Variants in KLHDC4 observed in about 807,000 individuals in gnomAD.
KLHDC4 encodes kelch domain containing 4.
KLHDC4 carries 90 observed loss-of-function variants against 62.4 expected under a neutral mutation model. The ratio of observed to expected loss-of-function variants is 1.44; its 90% confidence interval spans 1.22 to 1.72. The LOEUF (loss-of-function observed/expected upper bound fraction) is 1.72, where lower values mean the gene tolerates loss of function less well. Ranked by LOEUF, KLHDC4 falls within the 40% of genes most tolerant of loss-of-function variation. The pLI, the probability that KLHDC4 is intolerant of heterozygous loss-of-function variation, is 0.00. For missense variants in KLHDC4, 1,025 were observed against 699.7 expected (o/e 1.47, Z -5.25); for synonymous variants, 386 against 284.4 (o/e 1.36, Z -3.59).
chr16:87,704,350 T>C (rs1341975816), downstream of KLHDC4, among the ~76,000 whole-genome samples: 152 of 87,582 alleles, frequency 1.7e-3, no homozygotes, highest in Non-Finnish European at 1.5e-3. Context: ...GGGTCTTGAA[T>C]GTCACAGGGA....
chr16:87,702,170 C>T (rs549199294), exon 1 of KLHDC4: 27 of 456,312 alleles, frequency 5.9e-5, no homozygotes, highest in Middle Eastern at 3.3e-4. Flanking sequence ...ATGGGTTCAA[C>T]GTTGACCACC....
chr16:87,755,430 T>G, intron 3 of KLHDC4, 138 bp from the exon 4 acceptor site: 1 of 532,992 alleles, frequency 1.9e-6, no homozygotes, highest in Non-Finnish European at 3.4e-6. Flanking sequence ...AGGGAGGCCA[T>G]GGGCTGGGTC....
At chr16:87,700,556 GA>G in exon 1 of KLHDC4, 1 of 173,328 alleles carries the variant, frequency 5.8e-6, no homozygotes. Context: ...GAAGAGGGCA[GA>G]GGGAAGAGGG....
intron 1 of KLHDC4, chr16:87,765,457 T>C: frequency 2.0e-6 from 1 of 499,124 alleles, no homozygotes; most frequent in South Asian, 1.6e-5. Flanking sequence ...CCCTCCCTCT[T>C]CTCACCACCC....
In KLHDC4 at chr16:87,713,170, T is replaced by C. The variant is rs116262217; in HGVS notation, c.835+1328A>G. 5.7e-3 allele frequency among the ~76,000 whole-genome samples: 873 copies of C among 152,284 alleles called. 9 individuals carry two copies. The highest frequency in any genetic ancestry group is 0.02 in the African/African-American group (841 of 41,562). ...CCTCAGCGTCCCCAGTAGCTAGAACTACAGACGTGCGCCAGCACACCTGGC... is the reference window on the plus strand; with the variant it reads ...CCTCAGCGTCCCCAGTAGCTAGAACCACAGACGTGCGCCAGCACACCTGGC... On this transcript the variant is annotated intron_variant, in intron 8 of 11. Transcript: ENST00000270583.
chr16:87,759,523 G>C (rs987638354), intron 2 of KLHDC4, among the ~76,000 whole-genome samples: 2 of 152,146 alleles, frequency 1.3e-5, no homozygotes, highest in African/African-American at 2.4e-5. Flanking sequence ...GAGGTGGGTG[G>C]ATCACCTAAG....
At chr16:87,748,584 T>C in intron 5 of KLHDC4, 89 bp downstream of exon 5, 1 of 1,513,148 alleles carries the variant, frequency 6.6e-7, no homozygotes, top group Admixed American at 1.9e-5. Flanking sequence ...TGAACCCTGG[T>C]ATTCTGAGGT....
rs373425883 is a variant in KLHDC4 at position 87,765,941 on chromosome 16, G to C, written c.-51C>G. 4.9e-5 allele frequency: 75 copies of C among 1,516,998 alleles called. 1 individual carries two copies. The Middle Eastern group carries it at 6.7e-4, about 14-fold the overall frequency. 94.0% of individuals were successfully genotyped at this position (1,516,998 alleles called of 1,614,324 possible). On this transcript the variant is annotated 5_prime_UTR_variant, in exon 1 of 12. Coordinates refer to ENST00000270583, the MANE Select transcript of KLHDC4 (RefSeq NM_017566.4). ...GACACCAGGAAAGAAAACGGCCCGC[G>C]CTCTCCGCTCGGAAACAGGTGCTCG...
At position 87,709,619 on chromosome 16, in the gene KLHDC4, G is replaced by T; in HGVS notation, c.1093C>A (p.Pro365Thr). ...KKRRRGRKEE[P>T]EGGSRPACGG... ...CACGCCGGCCTGCTACCACCTTCGG[G>T]CTCCTCTTTTCTGCCCCGCCTGCGT... is the stretch of plus-strand genomic sequence containing the variant. The change falls in exon 10 of 12, where the codon CCC becomes ACC. Residue 365 changes from proline to threonine, a missense_variant. By Grantham distance (38) the Pro-to-Thr change is conservative. Coordinates refer to ENST00000270583, the MANE Select transcript of KLHDC4 (RefSeq NM_017566.4). 6.2e-7 allele frequency: 1 copy of T among 1,609,506 alleles called. No homozygotes were observed. Among genetic ancestry groups the T allele is most frequent in the Non-Finnish European group, 8.5e-7 (1 of 1,178,060 alleles).
At chr16:87,740,405 C>G (rs551736007) in intron 5 of KLHDC4, among the ~76,000 whole-genome samples, 4 of 152,272 alleles carry the variant, frequency 2.6e-5, no homozygotes, top group African/African-American at 9.6e-5. Flanking sequence ...GGAAACCCTA[C>G]TTTGGGGGTT....
chr16:87,738,143 G>A (rs547623640), intron 5 of KLHDC4, among the ~76,000 whole-genome samples: 8 of 152,138 alleles, frequency 5.3e-5, no homozygotes, highest in Non-Finnish European at 1.2e-4. Flanking sequence ...ATGGTGACCT[G>A]TACTTCACAC....
At chr16:87,740,530 T>A (rs2042082311) in intron 5 of KLHDC4, 2 of 152,208 alleles carry the variant, frequency 1.3e-5, no homozygotes, top group Non-Finnish European at 2.9e-5. Context: ...GCTCCCACCT[T>A]CCTGGGAGCT....
intron 4 of KLHDC4, among the ~76,000 whole-genome samples, chr16:87,751,473 C>CA (rs201244537): frequency 6.0e-4 from 59 of 98,150 alleles, no homozygotes; most frequent in Middle Eastern, 6.2e-3. Context: ...GACTTCATCT[C>CA]AAAAAAAAAA....
Position 87,713,833 on chromosome 16 carries a change from T to C in KLHDC4, c.835+665A>G, listed in dbSNP as rs987945025. Among the ~76,000 whole-genome samples the C allele has an allele frequency of 2.0e-5, 3 of 152,334 alleles. 1 individual carries two copies. The South Asian group carries it at 6.2e-4, about 32-fold the overall frequency. ...TCCCAGAGAATGATGATTGTTCCCC[T>C]GTGCTTTAGTAAGAAAATTTTGATT... On this transcript the variant is annotated intron_variant, in intron 8 of 11. Coordinates refer to ENST00000270583, the MANE Select transcript of KLHDC4 (RefSeq NM_017566.4).
At chr16:87,742,558 A>G (rs376005777) in intron 5 of KLHDC4, among the ~76,000 whole-genome samples, 8 of 152,322 alleles carry the variant, frequency 5.3e-5, no homozygotes, top group African/African-American at 1.9e-4. Context: ...GACCCCGTCT[A>G]TGGTCCACAG....
chr16:87,748,649 T>C, intron 5 of KLHDC4, 24 bp downstream of exon 5: 1 of 1,613,414 alleles, frequency 6.2e-7, no homozygotes, highest in South Asian at 1.1e-5. Flanking sequence ...TGCCCGGAGC[T>C]CAGCTTCTCA....
At position 87,737,850 on chromosome 16, in the gene KLHDC4, C is replaced by G. The variant is rs538900042; in HGVS notation, c.507-7206G>C. 8.1e-4 allele frequency among the ~76,000 whole-genome samples: 123 copies of G among 152,260 alleles called. 1 individual carries two copies. Among genetic ancestry groups the G allele is most frequent in the African/African-American group, 3.0e-3 (123 of 41,534 alleles). The stretch of plus-strand genomic sequence containing the variant: ...AGGTGATCCGCCTGCCTCGGCCTCC[C>G]AAAGTGCTGGGATTACAGGTGTGAA... On this transcript the variant is annotated intron_variant, in intron 5 of 11. Coordinates refer to ENST00000270583, the MANE Select transcript of KLHDC4 (RefSeq NM_017566.4).
intron 5 of KLHDC4, among the ~76,000 whole-genome samples, chr16:87,737,174 G>C (rs2143009994): frequency 1.3e-5 from 2 of 149,680 alleles, no homozygotes; most frequent in South Asian, 4.2e-4. Flanking sequence ...CAGGAAAGCA[G>C]TCAGTGGCAC....
chr16:87,759,694 C>T (rs141859104), intron 2 of KLHDC4, among the ~76,000 whole-genome samples: 2,979 of 152,152 alleles, frequency 0.02, 97 homozygotes, highest in African/African-American at 0.067. Flanking sequence ...GAGCCGAGAT[C>T]GTGCCATTGC....
Sources: allele counts gnomAD v4.1 joint callset (sites outside exome capture counted in the v4.1 genomes callset), GRCh38; gene constraint gnomAD v4.1.1; transcripts MANE v1.5; gene names NCBI Gene and HGNC (gene_info 2026-07-23, HGNC 2026-07-21).